ELF1: variants seen among roughly 807,000 people sequenced by gnomAD.
ELF1 encodes the protein ETS-related transcription factor Elf-1.
ELF1 carries 24 observed loss-of-function variants against 59.9 expected under a neutral mutation model. The ratio of observed to expected loss-of-function variants is 0.40; its 90% CI spans 0.29 to 0.56. The LOEUF (loss-of-function observed/expected upper bound fraction) is 0.56, where lower values mean the gene tolerates loss of function less well. Among genes scored for constraint, ELF1 ranks in the 20% least tolerant of loss-of-function variants. ELF1 has a pLI of 0.44. For missense variants in ELF1, 627 were observed against 742.2 expected (o/e 0.84, Z 1.80); for synonymous variants, 248 against 266.2 (o/e 0.93, Z 0.67).
chr13:40,998,380 TA>T (rs1367606799), intron 1 of ELF1, among the ~76,000 whole-genome samples: 1 of 152,212 alleles, frequency 6.6e-6, no homozygotes, highest in African/African-American at 2.4e-5. Flanking sequence ...TTCAGTACAG[TA>T]ACATACTGTA....
chr13:40,952,496 G>A (rs1226292216), intron 3 of ELF1, among the ~76,000 whole-genome samples: 1 of 151,862 alleles, frequency 6.6e-6, no homozygotes, highest in African/African-American at 2.4e-5. Context: ...CGAGTAGACA[G>A]GACTACAGTC....
At chr13:40,973,655 T>A (rs1029774122) in intron 2 of ELF1, among the ~76,000 whole-genome samples, 23 of 151,862 alleles carry the variant, frequency 1.5e-4, no homozygotes, top group Non-Finnish European at 2.9e-4. Flanking sequence ...TTTTTTTTTT[T>A]ACCCAGGAAG....
chr13:40,943,176 C>A, intron 6 of ELF1, 32 bp from the exon 7 acceptor site: 2 of 1,442,430 alleles, frequency 1.4e-6, no homozygotes, highest in Non-Finnish European at 1.8e-6. Flanking sequence ...TCTAAATGAC[C>A]AAAATTTCAT....
At chr13:40,988,075 G>A (rs1038281473) in intron 1 of ELF1, among the ~76,000 whole-genome samples, 1 of 152,162 alleles carries the variant, frequency 6.6e-6, no homozygotes, top group African/African-American at 2.4e-5. Context: ...CCATAGTTTG[G>A]TCTTTTAAAA....
At position 40,946,916 on chromosome 13, in the gene ELF1, G is replaced by A. The variant is rs905838098; in HGVS notation, c.529+2890C>T. On this transcript the variant is annotated intron_variant, in intron 5 of 8. Transcript: ENST00000239882. The stretch of plus-strand genomic sequence containing the variant: ...TGGATTTTTGGCTGCAGAGGCTGAC[G>A]GCCCTAACCCCCACATTGTTTGGGG... Among the ~76,000 whole-genome samples the A allele has an allele frequency of 5.9e-5, 9 of 152,174 alleles. 1 individual carries two copies. The highest frequency in any genetic ancestry group is 1.9e-4 in the East Asian group (1 of 5,176).
At chr13:41,030,814 G>GT (rs957863807) in intron 1 of ELF1, among the ~76,000 whole-genome samples, 15 of 146,218 alleles carry the variant, frequency 1.0e-4, no homozygotes, top group Admixed American at 2.7e-4. Context: ...GATTTGGGTT[G>GT]TTTTTTTTGG....
intron 1 of ELF1, among the ~76,000 whole-genome samples, chr13:40,987,642 G>A (rs894994909): frequency 6.7e-6 from 1 of 148,918 alleles, no homozygotes; most frequent in Non-Finnish European, 1.5e-5. Flanking sequence ...CAAACAAAAA[G>A]GTTTTAGATC....
chr13:41,014,366 CAA>C (rs1875239772), intron 1 of ELF1, among the ~76,000 whole-genome samples: 1 of 152,116 alleles, frequency 6.6e-6, no homozygotes, highest in Non-Finnish European at 1.5e-5. Context: ...GAGAAGGAAT[CAA>C]AACATTTCTG....
At chr13:41,023,720 A>C (rs1055076921), upstream of ELF1, among the ~76,000 whole-genome samples, 3 of 152,216 alleles carry the variant, frequency 2.0e-5, no homozygotes, top group African/African-American at 7.2e-5. Context: ...CACAAAAAGC[A>C]GGCCTCTTAG....
chr13:41,003,721 A>C (rs1874590655), intron 1 of ELF1, among the ~76,000 whole-genome samples: 1 of 152,134 alleles, frequency 6.6e-6, no homozygotes, highest in African/African-American at 2.4e-5. Flanking sequence ...ATGGCTAGAC[A>C]TTTTTTCCAG....
intron 1 of ELF1, among the ~76,000 whole-genome samples, chr13:40,987,584 C>CAAA (rs374604821): frequency 7.3e-4 from 50 of 68,290 alleles, no homozygotes; most frequent in East Asian, 6.8e-3. Context: ...GACTCTGTCT[C>CAAA]AAAAAAAAAA....
intron 1 of ELF1, among the ~76,000 whole-genome samples, chr13:40,999,729 T>C (rs1453413219): frequency 6.6e-6 from 1 of 152,216 alleles, no homozygotes; most frequent in Non-Finnish European, 1.5e-5. Flanking sequence ...ATGTGTATAC[T>C]GCCCTCCTTA....
intron 3 of ELF1, among the ~76,000 whole-genome samples, chr13:40,953,266 G>A (rs1427947307): frequency 3.9e-5 from 6 of 152,264 alleles, no homozygotes; most frequent in African/African-American, 7.2e-5. Context: ...GTCAGCCACC[G>A]TGCCCGGCCT....
chr13:40,999,246 T>A (rs778826017), intron 1 of ELF1, among the ~76,000 whole-genome samples: 12 of 152,178 alleles, frequency 7.9e-5, no homozygotes, highest in Non-Finnish European at 1.5e-4. Context: ...ATAAATGCAG[T>A]ATTTTAGAAG....
At chr13:41,038,372 C>T (rs1163781993) in intron 1 of ELF1, among the ~76,000 whole-genome samples, 1 of 152,060 alleles carries the variant, frequency 6.6e-6, no homozygotes, top group Non-Finnish European at 1.5e-5. Flanking sequence ...CAAAAATTAA[C>T]CATGCATGGT....
intron 8 of ELF1, among the ~76,000 whole-genome samples, chr13:40,934,416 CTTTTTTT>C (rs10692930): frequency 9.8e-6 from 1 of 102,466 alleles, no homozygotes; most frequent in Non-Finnish European, 1.9e-5. Flanking sequence ...TTCATTCCTG[CTTTTTTT>C]TTTTTTTTTT....
At chr13:41,006,880 T>C (rs1026138189) in intron 1 of ELF1, among the ~76,000 whole-genome samples, 1 of 152,212 alleles carries the variant, frequency 6.6e-6, no homozygotes, top group African/African-American at 2.4e-5. Flanking sequence ...ACATTTTGTA[T>C]AGTATATTTT....
chr13:40,963,048 C>T (rs1871946307), intron 2 of ELF1, among the ~76,000 whole-genome samples: 3 of 152,174 alleles, frequency 2.0e-5, no homozygotes, highest in Non-Finnish European at 4.4e-5. Context: ...AGACATTTTG[C>T]ACATTGCTTT....
intron 1 of ELF1, among the ~76,000 whole-genome samples, chr13:41,037,405 A>C (rs902507419): frequency 1.3e-5 from 2 of 152,194 alleles, no homozygotes; most frequent in African/African-American, 4.8e-5. Context: ...ATGGTTAGTA[A>C]ACTTAAAGCC....
Sources: allele counts gnomAD v4.1 joint callset (sites outside exome capture counted in the v4.1 genomes callset), GRCh38; gene constraint gnomAD v4.1.1; transcripts MANE v1.5; gene names NCBI Gene and HGNC (gene_info 2026-07-23, HGNC 2026-07-21).